The following LRRC56 variants were observed in gnomAD, a reference collection of about 807,000 sequenced individuals.
LRRC56 encodes the protein leucine rich repeat containing 56, also known as leucine-rich repeat-containing protein 56.
In LRRC56, 41 loss-of-function variants were observed where a neutral mutation model predicts 47.8. The ratio of observed to expected loss-of-function variants is 0.86; its 90% confidence interval spans 0.67 to 1.11. The LOEUF (loss-of-function observed/expected upper bound fraction) is 1.11, where lower values mean the gene tolerates loss of function less well. LRRC56 is among the 50% of genes most tolerant of loss of function. The pLI, the probability that LRRC56 is intolerant of heterozygous loss-of-function variation, is 0.00. For synonymous variants in LRRC56, 387 were observed against 311.2 expected, an observed-to-expected ratio of 1.24 and a Z score of -2.56; for missense variants, 759 against 704.2, an observed-to-expected ratio of 1.08 and a Z score of -0.88.
At chr11:527,089 C>G in the LRRC56 span, among the ~76,000 whole-genome samples, 1 of 152,094 alleles carries the variant, frequency 6.6e-6, no homozygotes, top group African/African-American at 2.4e-5. Flanking sequence ...ATCATGAGGT[C>G]AGGAGCTCCA....
rs1203074332 is a variant in LRRC56, at chr11:541,649, G to A, written c.265+25G>A. 2.3e-6 allele frequency: 3 copies of A among 1,307,406 alleles called. No homozygotes were observed. The highest frequency in any genetic ancestry group is 3.2e-6 in the Non-Finnish European group (3 of 937,818). The allele number at this position is 1,307,406 out of a possible 1,614,324, so 81.0% of individuals were successfully genotyped here. A position where few individuals can be genotyped will look rare whatever the true frequency, so the allele number is the denominator to read the frequency against. ...GGTGAGCCTCTTCCCACCCCGCCAT[G>A]GCCACGGCCACGGCCACGCCTCCCT... On this transcript the variant is annotated intron_variant, in intron 5 of 13. Transcript: ENST00000270115. This position sits in a 1 kb window ranked among gnomAD's most constrained non-coding sequence, Gnocchi z 4.1.
upstream of LRRC56, among the ~76,000 whole-genome samples, chr11:536,032 G>A (rs1018236165): frequency 2.6e-5 from 4 of 152,212 alleles, no homozygotes; most frequent in African/African-American, 7.2e-5. Flanking sequence ...GGGGCCCCCG[G>A]GTGGCCGCGG....
At chr11:525,336 G>A in the LRRC56 span, among the ~76,000 whole-genome samples, 29 of 151,808 alleles carry the variant, frequency 1.9e-4, no homozygotes, top group South Asian at 6.3e-4. Context: ...TCAGGAGATC[G>A]AGACCATCCT....
the LRRC56 span, among the ~76,000 whole-genome samples, chr11:524,730 A>T: frequency 6.6e-6 from 1 of 152,238 alleles, no homozygotes; most frequent in Non-Finnish European, 1.5e-5. Context: ...ATGCAGAAAA[A>T]TGAATCTTGA....
the LRRC56 span, among the ~76,000 whole-genome samples, chr11:512,546 T>G: frequency 6.6e-6 from 1 of 152,158 alleles, no homozygotes; most frequent in Admixed American, 6.6e-5. Context: ...GGTAACTTGA[T>G]CCATACGTTT....
intron 6 of LRRC56, among the ~76,000 whole-genome samples, chr11:545,523 G>C (rs1187204038): frequency 6.7e-6 from 1 of 150,344 alleles, no homozygotes; most frequent in Non-Finnish European, 1.5e-5. Context: ...CAGCCCCCGG[G>C]AGAGGCACAG....
chr11:545,268 G>A (rs1446206886), intron 6 of LRRC56, among the ~76,000 whole-genome samples: 1 of 152,228 alleles, frequency 6.6e-6, no homozygotes, highest in Non-Finnish European at 1.5e-5. Flanking sequence ...CCCTGACCTG[G>A]GCCCAGAGCT....
At chr11:536,775 G>A (rs1307544486), upstream of LRRC56, 3 of 152,276 alleles carry the variant, frequency 2.0e-5, no homozygotes, top group East Asian at 1.9e-4. Context: ...AAACAAAAAA[G>A]GCGTTTTACA....
chr11:535,461 C>CCGGGG (rs1212546694), upstream of LRRC56: 5 of 147,306 alleles, frequency 3.4e-5, no homozygotes, highest in South Asian at 1.8e-4. Flanking sequence ...GGGGCCGAGG[C>CCGGGG]CGGGGCGGGG....
Position 554,624 on chromosome 11 carries a change from A to G in LRRC56, c.*348A>G, listed in dbSNP as rs1852657894. On this transcript the variant is annotated 3_prime_UTR_variant, in exon 14 of 14. Coordinates refer to ENST00000270115, the MANE Select transcript of LRRC56 (RefSeq NM_198075.4). ...CTAGAATTGGGCATGGCCGAGGGGC[A>G]GGGGCTGGAGCTGCGAGTCCACCAC... 2 of 399,700 alleles carry G rather than the reference A, an allele frequency of 5.0e-6. No homozygotes were observed. The highest frequency in any genetic ancestry group is 5.0e-5 in the South Asian group (1 of 19,872). The allele number at this position is 399,700 out of a possible 1,614,324, so 24.8% of individuals were successfully genotyped here. A position where few individuals can be genotyped will look rare whatever the true frequency, so the allele number is the denominator to read the frequency against.
upstream of LRRC56, chr11:535,496 C>T (rs1851439713): frequency 6.8e-6 from 1 of 147,722 alleles, no homozygotes; most frequent in East Asian, 2.0e-4. Flanking sequence ...CGCGGTTCGC[C>T]CCGCGCATGG....
At chr11:513,490 G>C in the LRRC56 span, among the ~76,000 whole-genome samples, 1,788 of 152,220 alleles carry the variant, frequency 0.012, 44 homozygotes, top group African/African-American at 0.041. Context: ...ATCTGCGCCT[G>C]GTGAAGATGC....
rs766661573 is a variant in LRRC56, at chr11:554,156, G to A, written c.1509G>A (p.Glu503=). 4 of 1,598,250 alleles carry A rather than the reference G, an allele frequency of 2.5e-6. No individual in the cohort carries two copies. The Admixed American group carries it at 6.7e-5, about 27-fold the overall frequency. The change falls in exon 14 of 14, where the codon GAG becomes GAA. Residue 503 remains glutamate, a synonymous_variant. Transcript: ENST00000270115. ...CAGTGCCTGTCCTGAGAGCCCTGGA[G>A]GTGGCCTCACGCCTGAGCCCTCGAG... ...VAAVPVLRAL[E]VASRLSPRAQ...
chr11:551,070 T>C, intron 8 of LRRC56, 61 bp from the exon 9 acceptor site: 4 of 1,011,598 alleles, frequency 4.0e-6, no homozygotes, highest in Non-Finnish European at 5.6e-6. Context: ...GGGAAAGAGC[T>C]GGCCGGAAGG....
the LRRC56 span, among the ~76,000 whole-genome samples, chr11:511,292 G>A: frequency 1.3e-5 from 2 of 148,284 alleles, no homozygotes; most frequent in African/African-American, 5.0e-5. Flanking sequence ...CTGCACTCCA[G>A]CCTGGGCGAC....
At chr11:534,832 G>T (rs765220479), upstream of LRRC56, among the ~76,000 whole-genome samples, 1 of 152,220 alleles carries the variant, frequency 6.6e-6, no homozygotes, top group Non-Finnish European at 1.5e-5. Flanking sequence ...AGCGCCTACT[G>T]CGTACTAGGC....
upstream of LRRC56, among the ~76,000 whole-genome samples, chr11:534,755 G>A (rs1851351979): frequency 6.6e-6 from 1 of 152,226 alleles, no homozygotes; most frequent in Non-Finnish European, 1.5e-5. Flanking sequence ...GCGCCACGGC[G>A]TGCCCGGGCA....
chr11:540,803 G>C lies in LRRC56; in HGVS notation c.119G>C (p.Ser40Thr), dbSNP rs764945065. The part of the protein sequence containing the change: ...NPCPQSKGPG[S>T]QRDRLGEQLV... ...TGCCCACAGAGCAAGGGCCCTGGCAGTCAGAGGGACAGACTTGGAGAGCAG... is the reference window on the plus strand; with the variant it reads ...TGCCCACAGAGCAAGGGCCCTGGCACTCAGAGGGACAGACTTGGAGAGCAG... The change falls in exon 4 of 14, where the codon AGT becomes ACT. Residue 40 changes from serine to threonine, a missense_variant. Ser to Thr is a moderately conservative substitution (Grantham distance 58, BLOSUM62 1). Coordinates refer to ENST00000270115, the MANE Select transcript of LRRC56 (RefSeq NM_198075.4). The C allele has an allele frequency of 6.2e-7, 1 of 1,603,046 alleles. No individual in the cohort carries two copies. The highest frequency in any genetic ancestry group is 2.2e-5 in the East Asian group (1 of 44,536).
At chr11:532,492 G>C in the LRRC56 span, 3 of 1,124,428 alleles carry the variant, frequency 2.7e-6, no homozygotes, top group Non-Finnish European at 3.8e-6. Flanking sequence ...CCTCCTTCCT[G>C]CATCCGGCAC....
Sources: allele counts gnomAD v4.1 joint callset (sites outside exome capture counted in the v4.1 genomes callset), GRCh38; gene constraint gnomAD v4.1.1; non-coding constraint Gnocchi (gnomAD v3.1); transcripts MANE v1.5; gene names NCBI Gene and HGNC (gene_info 2026-07-23, HGNC 2026-07-21).